The following DHRSX variants were observed in gnomAD, a reference collection of about 807,000 sequenced individuals.
The protein encoded by DHRSX is dehydrogenase/reductase X-linked, also known as polyprenol dehydrogenase.
DHRSX carries 31 observed loss-of-function variants against 34.0 expected under a neutral mutation model. That is an observed-to-expected ratio of 0.91 (90% CI 0.69 to 1.23). The LOEUF is 1.23. Ranked by LOEUF, DHRSX falls within the 50% of genes most tolerant of loss-of-function variation. DHRSX has a pLI of 0.00. For synonymous variants in DHRSX, 201 were observed against 183.8 expected (o/e 1.09, Z -0.76); for missense variants, 414 against 428.1 (o/e 0.97, Z 0.29).
At chrX:2,224,938 C>A (rs1227630559) in intron 6 of DHRSX, among the ~76,000 whole-genome samples, 1 of 145,034 alleles carries the variant, frequency 6.9e-6, no homozygotes. Flanking sequence ...TGCACTCATT[C>A]ACATGTACAC....
At chrX:2,260,724 G>C (rs73185713) in intron 5 of DHRSX, among the ~76,000 whole-genome samples, 19,952 of 152,010 alleles carry the variant, frequency 0.13, 1,829 homozygotes, top group Non-Finnish European at 0.19. Context: ...GCCTCCCAAA[G>C]TGCTGGGATG....
At chrX:2,318,193 A>G (rs934653248) in intron 3 of DHRSX, among the ~76,000 whole-genome samples, 11 of 19,336 alleles carry the variant, frequency 5.7e-4, no homozygotes, top group Non-Finnish European at 1.8e-3. Flanking sequence ...AAAAATACAG[A>G]AAAAAAAAAA....
At position 2,243,137 on chromosome X, in the gene DHRSX, T is replaced by C. The variant is rs1206822060; in HGVS notation, c.690A>G (p.Gly230=). The C allele has an allele frequency of 6.2e-6, 10 of 1,613,726 alleles. No individual in the cohort carries two copies. Among genetic ancestry groups the C allele is most frequent in the African/African-American group, 1.3e-5 (1 of 74,886 alleles). ...CCACCACGTTGGCGGTCACGTGGCT[T>C]CCCTCAGCCGCCAGCAGCCGCTGGA... ...YHLQRLLAAE[G]SHVTANVVDP... is the part of the protein sequence containing the mutation. Residue 230 remains glycine, a synonymous_variant, in exon 6 of 7, where the codon GGA becomes GGG. Transcript: ENST00000334651.
intron 4 of DHRSX, among the ~76,000 whole-genome samples, chrX:2,283,937 CCTTTGAATTCACTCA>C (rs2041768171): frequency 3.4e-5 from 5 of 148,818 alleles, no homozygotes; most frequent in African/African-American, 1.3e-4. Flanking sequence ...TTCACTCATT[CCTTTGAATTCACTCA>C]TTCCTTTGAA....
intron 5 of DHRSX, among the ~76,000 whole-genome samples, chrX:2,247,875 G>C (rs2016335900): frequency 1.3e-5 from 2 of 151,984 alleles, no homozygotes; most frequent in Admixed American, 1.3e-4. Flanking sequence ...GGGCACCACG[G>C]AAACTGGAAT....
intron 4 of DHRSX, among the ~76,000 whole-genome samples, chrX:2,287,450 G>T (rs1285484718): frequency 1.3e-5 from 2 of 151,930 alleles, no homozygotes; most frequent in Non-Finnish European, 2.9e-5. Flanking sequence ...CCCTGAAGAT[G>T]TCCACATCCT....
chrX:2,304,012 G>A (rs1350575032), intron 3 of DHRSX, among the ~76,000 whole-genome samples: 1 of 144,680 alleles, frequency 6.9e-6, no homozygotes, highest in Non-Finnish European at 1.5e-5. Context: ...TGGATGGACG[G>A]ATGGATGAAC....
intron 4 of DHRSX, among the ~76,000 whole-genome samples, chrX:2,271,415 G>T (rs1319550697): frequency 6.6e-6 from 1 of 152,228 alleles, no homozygotes; most frequent in Non-Finnish European, 1.5e-5. Flanking sequence ...GTGGCCTGCT[G>T]AAATCCTCAG....
chrX:2,431,318 C>A (rs1055740439), intron 1 of DHRSX, among the ~76,000 whole-genome samples: 2 of 132,864 alleles, frequency 1.5e-5, no homozygotes, highest in African/African-American at 5.8e-5. Context: ...GAGCTAGACT[C>A]CATCTCACAA....
chrX:2,292,870 T>C (rs2041883145), intron 3 of DHRSX, among the ~76,000 whole-genome samples: 1 of 152,210 alleles, frequency 6.6e-6, no homozygotes, highest in Admixed American at 6.5e-5. Context: ...ACAGTATATG[T>C]AACTAATACA....
intron 5 of DHRSX, among the ~76,000 whole-genome samples, chrX:2,256,374 C>T (rs181475187): frequency 3.3e-5 from 5 of 151,698 alleles, no homozygotes; most frequent in African/African-American, 7.3e-5. Context: ...TGGCCCACTG[C>T]AACCTCCACC....
chrX:2,346,116 C>T (rs572561851), intron 3 of DHRSX, among the ~76,000 whole-genome samples: 72 of 152,120 alleles, frequency 4.7e-4, no homozygotes, highest in African/African-American at 1.3e-3. Flanking sequence ...CTTGTAGACC[C>T]GATGAATTTC....
chrX:2,293,639 A>C (rs890260725), intron 3 of DHRSX, among the ~76,000 whole-genome samples: 3 of 152,168 alleles, frequency 2.0e-5, no homozygotes, highest in Non-Finnish European at 4.4e-5. Flanking sequence ...GAGCGAGCAG[A>C]GGCTGGTTCT....
intron 6 of DHRSX, among the ~76,000 whole-genome samples, chrX:2,225,558 C>A (rs1472166731): frequency 1.3e-5 from 2 of 152,192 alleles, no homozygotes; most frequent in African/African-American, 4.8e-5. Context: ...GAGGAACCAG[C>A]CCTGCCCACA....
intron 3 of DHRSX, among the ~76,000 whole-genome samples, chrX:2,342,568 T>C (rs888950567): frequency 6.6e-6 from 1 of 152,156 alleles, no homozygotes; most frequent in Non-Finnish European, 1.5e-5. Context: ...ACCCCGCAGA[T>C]GACAAGCATG....
At chrX:2,341,457 G>C (rs1360747435) in intron 3 of DHRSX, among the ~76,000 whole-genome samples, 2 of 152,084 alleles carry the variant, frequency 1.3e-5, no homozygotes, top group Admixed American at 6.6e-5. Context: ...CATCACTCCA[G>C]TCTCTGCCTC....
intron 3 of DHRSX, among the ~76,000 whole-genome samples, chrX:2,340,185 G>A (rs2042622880): frequency 2.0e-5 from 3 of 151,284 alleles, no homozygotes; most frequent in African/African-American, 7.3e-5. Context: ...ACTGGGGCCT[G>A]TCGAGGGGTG....
At chrX:2,251,963 T>C (rs1369641833) in intron 5 of DHRSX, among the ~76,000 whole-genome samples, 1 of 151,876 alleles carries the variant, frequency 6.6e-6, no homozygotes, top group Admixed American at 6.6e-5. Context: ...ATTGGCTGGG[T>C]ATGGTGGCTT....
chrX:2,474,254 A>C (rs67838743), intron 1 of DHRSX, among the ~76,000 whole-genome samples: 31,183 of 151,900 alleles, frequency 0.21, 4,261 homozygotes, highest in African/African-American at 0.39. Flanking sequence ...GAGGTTCCCA[A>C]AGCATGTGGC....
Sources: gnomAD v4.1 joint callset for allele counts (sites outside exome capture counted in the v4.1 genomes callset) on GRCh38, gnomAD v4.1.1 for gene constraint, MANE v1.5 for transcripts, NCBI Gene and HGNC (gene_info 2026-07-23, HGNC 2026-07-21) for gene names.